INO80: variants seen among roughly 807,000 people sequenced by gnomAD.
INO80 encodes chromatin-remodeling ATPase INO80.
Under a neutral mutation model 203.4 loss-of-function variants are expected in INO80, and 20 were observed. The ratio of observed to expected loss-of-function variants is 0.10; its 90% CI spans 0.07 to 0.14. The LOEUF is 0.14. Among genes scored for constraint, INO80 ranks in the 10% least tolerant of loss-of-function variants. The pLI, the probability that INO80 is intolerant of heterozygous loss-of-function variation, is 1.00. For synonymous variants in INO80, 726 were observed against 685.2 expected, an observed-to-expected ratio of 1.06 and a Z score of -0.93; for missense variants, 1,419 against 1,914.4, an observed-to-expected ratio of 0.74 and a Z score of 4.83.
chr15:41,101,917 C>T (rs2045813960), intron 1 of INO80, among the ~76,000 whole-genome samples: 2 of 151,662 alleles, frequency 1.3e-5, no homozygotes, highest in South Asian at 4.2e-4. Context: ...TCTTGGCGGG[C>T]ATGGTGGCTC....
At chr15:41,033,747 A>T (rs551639581) in intron 24 of INO80, among the ~76,000 whole-genome samples, 1 of 152,232 alleles carries the variant, frequency 6.6e-6, no homozygotes, top group African/African-American at 2.4e-5. Flanking sequence ...CAATTAAGAG[A>T]TTTTTTAAAA....
At chr15:41,033,441 C>T (rs1372310131) in intron 24 of INO80, among the ~76,000 whole-genome samples, 1 of 151,452 alleles carries the variant, frequency 6.6e-6, no homozygotes, top group East Asian at 1.9e-4. Context: ...TCAAGGGATC[C>T]TCCCACCTCA....
chr15:41,039,332 CTCTACCATTCATTA>C (rs1479419600), intron 24 of INO80, among the ~76,000 whole-genome samples: 1 of 152,194 alleles, frequency 6.6e-6, no homozygotes, highest in Non-Finnish European at 1.5e-5. Context: ...CCCATCTGAA[CTCTACCATTCATTA>C]TCTACCATTA....
intron 1 of INO80, among the ~76,000 whole-genome samples, 170 bp downstream of exon 1, chr15:41,115,803 C>A (rs1003796027): frequency 1.3e-5 from 2 of 152,206 alleles, no homozygotes; most frequent in African/African-American, 4.8e-5. Flanking sequence ...CCTGAGGTCC[C>A]AACCCTGCGG....
intron 27 of INO80, among the ~76,000 whole-genome samples, chr15:41,008,596 A>AT (rs2044086030): frequency 1.3e-5 from 2 of 152,222 alleles, no homozygotes; most frequent in South Asian, 2.1e-4. Context: ...AATATATACA[A>AT]TTTTTATTTA....
intron 14 of INO80, 195 bp downstream of exon 14, chr15:41,069,375 T>TTA (rs1385160622): frequency 6.9e-6 from 3 of 432,504 alleles, no homozygotes; most frequent in African/African-American, 6.2e-5. Context: ...TTTCACCATG[T>TTA]TAGCCAGGAT....
intron 9 of INO80, among the ~76,000 whole-genome samples, chr15:41,074,905 C>T (rs1223249435): frequency 6.6e-6 from 1 of 152,020 alleles, no homozygotes; most frequent in African/African-American, 2.4e-5. Context: ...CCACTAAACT[C>T]GGCTAATTTG....
intron 24 of INO80, among the ~76,000 whole-genome samples, chr15:41,043,290 A>G (rs188664746): frequency 1.3e-5 from 2 of 152,302 alleles, no homozygotes; most frequent in African/African-American, 2.4e-5. Flanking sequence ...GTAGTAACAT[A>G]TATTACCAAA....
chr15:41,066,249 A>G (rs1344867808), intron 14 of INO80, among the ~76,000 whole-genome samples: 1 of 152,042 alleles, frequency 6.6e-6, no homozygotes, highest in Non-Finnish European at 1.5e-5. Context: ...AAGTGCTGGG[A>G]TTACAGGCGT....
intron 1 of INO80, among the ~76,000 whole-genome samples, chr15:41,111,768 A>T (rs1172876292): frequency 6.6e-6 from 1 of 151,488 alleles, no homozygotes; most frequent in African/African-American, 2.4e-5. Flanking sequence ...ACGCCACTGT[A>T]CTCCAGCCTG....
At chr15:40,998,368 A>T (rs1461964271) in intron 28 of INO80, among the ~76,000 whole-genome samples, 1 of 152,066 alleles carries the variant, frequency 6.6e-6, no homozygotes, top group African/African-American at 2.4e-5. Context: ...CAGAAAAATG[A>T]CTCAAATAAC....
intron 14 of INO80, among the ~76,000 whole-genome samples, chr15:41,060,228 G>GATGGTATC (rs1365394092): frequency 6.6e-6 from 1 of 152,204 alleles, no homozygotes; most frequent in Admixed American, 6.5e-5. Flanking sequence ...CTTTATCACT[G>GATGGTATC]ATGGTATCAT....
chr15:41,078,880 C>T (rs1280682624), intron 9 of INO80, among the ~76,000 whole-genome samples: 1 of 152,172 alleles, frequency 6.6e-6, no homozygotes, highest in Admixed American at 6.6e-5. Context: ...GTGGCTCACG[C>T]CTGTAATCTC....
At chr15:40,991,509 C>T (rs1318068660) in intron 29 of INO80, among the ~76,000 whole-genome samples, 1 of 151,990 alleles carries the variant, frequency 6.6e-6, no homozygotes, top group African/African-American at 2.4e-5. Flanking sequence ...CTCAGTGAGA[C>T]ATTCCAGAAA....
intron 20 of INO80, among the ~76,000 whole-genome samples, 188 bp downstream of exon 20, chr15:41,049,747 G>A (rs780021974): frequency 2.6e-5 from 4 of 152,090 alleles, no homozygotes; most frequent in Non-Finnish European, 4.4e-5. Flanking sequence ...TTAGCCAGGC[G>A]TGGTGGCAGG....
chr15:41,000,706 C>CAAAAAAAAAAAAAAAAAAAA (rs58232890), intron 28 of INO80, among the ~76,000 whole-genome samples: 9 of 56,804 alleles, frequency 1.6e-4, no homozygotes, highest in Non-Finnish European at 2.8e-4. Flanking sequence ...CACCCTGTCT[C>CAAAAAAAAAAAAAAAAAAAA]AAAAAAAAAA....
intron 1 of INO80, among the ~76,000 whole-genome samples, chr15:41,105,616 G>A (rs1010396835): frequency 6.6e-6 from 1 of 152,116 alleles, no homozygotes; most frequent in South Asian, 2.1e-4. Context: ...AGGCTCCTAC[G>A]ACATAAAACT....
At chr15:40,986,065 G>A (rs1209515649) in intron 31 of INO80, among the ~76,000 whole-genome samples, 1 of 152,188 alleles carries the variant, frequency 6.6e-6, no homozygotes, top group East Asian at 1.9e-4. Context: ...CTCTAATGCT[G>A]TGGAAGGCTT....
intron 23 of INO80, among the ~76,000 whole-genome samples, 187 bp downstream of exon 23, chr15:41,047,221 T>C (rs189883384): frequency 1.3e-5 from 2 of 152,190 alleles, no homozygotes; most frequent in Non-Finnish European, 2.9e-5. Context: ...CGCCTCGGCC[T>C]CCCAAAGTGT....
Sources: gnomAD v4.1 joint callset for allele counts (sites outside exome capture counted in the v4.1 genomes callset) on GRCh38, gnomAD v4.1.1 for gene constraint, MANE v1.5 for transcripts, NCBI Gene and HGNC (gene_info 2026-07-23, HGNC 2026-07-21) for gene names.